The following PDE1C variants were observed in gnomAD, a reference collection of about 807,000 sequenced individuals.
The protein encoded by PDE1C is phosphodiesterase 1C, also known as dual specificity calcium/calmodulin-dependent 3',5'-cyclic nucleotide phosphodiesterase 1C.
A neutral mutation model predicts 93.1 loss-of-function variants in PDE1C; 62 were observed. The observed-to-expected ratio is 0.67, with a 90% CI of 0.54 to 0.82. The LOEUF (loss-of-function observed/expected upper bound fraction) is 0.82. Ranked by LOEUF, PDE1C falls within the 40% of genes least tolerant of loss-of-function variation. The probability of loss-of-function intolerance (pLI) is 0.00; values close to 1 mark genes in which losing one functional copy is unlikely to be tolerated. For missense variants in PDE1C, 742 were observed against 884.6 expected (o/e 0.84, Z 2.04); for synonymous variants, 325 against 310.1 (o/e 1.05, Z -0.50).
chr7:32,098,218 A>G (rs1249474293), intron 3 of PDE1C, among the ~76,000 whole-genome samples: 1 of 95,718 alleles, frequency 1.0e-5, no homozygotes, highest in Non-Finnish European at 2.3e-5. Flanking sequence ...CGACAGAGCG[A>G]GACTCCGTCT....
chr7:31,705,780 C>A, the PDE1C span, among the ~76,000 whole-genome samples: 1 of 151,864 alleles, frequency 6.6e-6, no homozygotes, highest in African/African-American at 2.4e-5. Context: ...CAGTGCGAGG[C>A]AGTGGTGGGG....
At chr7:32,347,770 C>A (rs908923002) in intron 1 of PDE1C, among the ~76,000 whole-genome samples, 17 of 152,172 alleles carry the variant, frequency 1.1e-4, no homozygotes, top group Non-Finnish European at 2.2e-4. Flanking sequence ...TTCAAGGAAA[C>A]AAAATCTGCC....
At chr7:31,833,806 C>T (rs1374582317) in intron 11 of PDE1C, among the ~76,000 whole-genome samples, 3 of 152,184 alleles carry the variant, frequency 2.0e-5, no homozygotes, top group Non-Finnish European at 4.4e-5. Flanking sequence ...AATTTGCAGC[C>T]TGATGATGCA....
At chr7:31,624,965 C>G in the PDE1C span, among the ~76,000 whole-genome samples, 1 of 152,114 alleles carries the variant, frequency 6.6e-6, no homozygotes, top group Non-Finnish European at 1.5e-5. Flanking sequence ...GGGCAAAGGA[C>G]ATGAATAGAC....
chr7:32,347,648 G>A (rs866402621), intron 1 of PDE1C, among the ~76,000 whole-genome samples: 3 of 152,120 alleles, frequency 2.0e-5, no homozygotes, highest in Non-Finnish European at 2.9e-5. Flanking sequence ...TGAAGAAGTC[G>A]GCTGCTATGT....
At chr7:32,239,270 C>T (rs1808370967) in intron 1 of PDE1C, among the ~76,000 whole-genome samples, 1 of 152,010 alleles carries the variant, frequency 6.6e-6, no homozygotes, top group African/African-American at 2.4e-5. Context: ...ATGGTGTGTG[C>T]TCATACTAGC....
intron 1 of PDE1C, among the ~76,000 whole-genome samples, chr7:32,248,836 G>A (rs1809153171): frequency 6.6e-6 from 1 of 152,198 alleles, no homozygotes; most frequent in South Asian, 2.1e-4. Flanking sequence ...TTTGTGAAGA[G>A]CTTCCTTTTG....
rs574434193 is a variant in PDE1C at position 32,056,068 on chromosome 7, G to A, written c.102-4488C>T. On this transcript the variant is annotated intron_variant, in intron 1 of 17. Transcript: ENST00000396191. ...ACTTAATTTAAATTTGTAATATTTT[G>A]AAACTTGAAACAACACACTACAAAT... Among the ~76,000 whole-genome samples the A allele has an allele frequency of 2.0e-5, 3 of 152,118 alleles. No individual in the cohort carries two copies. In the South Asian group the frequency reaches 6.2e-4, roughly 32 times the overall value.
chr7:31,943,096 TA>T (rs889590646), intron 2 of PDE1C, among the ~76,000 whole-genome samples: 2 of 152,156 alleles, frequency 1.3e-5, no homozygotes, highest in African/African-American at 4.8e-5. Context: ...TTCCCCATAC[TA>T]GGGGTACCTC....
intron 3 of PDE1C, among the ~76,000 whole-genome samples, chr7:32,165,734 G>T (rs1218474290): frequency 2.0e-5 from 3 of 152,146 alleles, no homozygotes; most frequent in African/African-American, 7.2e-5. Flanking sequence ...TTTGGGTGGG[G>T]ACACAGACCC....
intron 1 of PDE1C, among the ~76,000 whole-genome samples, chr7:32,277,232 G>A (rs1175302967): frequency 6.6e-6 from 1 of 152,150 alleles, no homozygotes; most frequent in African/African-American, 2.4e-5. Context: ...CTGGGTGATG[G>A]AGCAAGACCC....
intron 2 of PDE1C, among the ~76,000 whole-genome samples, chr7:32,050,455 G>A (rs1793192404): frequency 6.6e-6 from 1 of 152,104 alleles, no homozygotes. Flanking sequence ...AATGAAATTT[G>A]TGAAAACAAA....
the PDE1C span, among the ~76,000 whole-genome samples, chr7:31,627,848 T>C: frequency 2.6e-5 from 4 of 152,132 alleles, no homozygotes; most frequent in South Asian, 2.1e-4. Context: ...AATGAAAAGA[T>C]ACAATTTTAA....
chr7:31,789,970 T>C, intron 16 of PDE1C: 1 of 1,238,212 alleles, frequency 8.1e-7, no homozygotes. Context: ...TCATGTTTTG[T>C]TTCTGTTTGA....
At chr7:32,305,128 G>A (rs184324705) in intron 1 of PDE1C, among the ~76,000 whole-genome samples, 17 of 152,256 alleles carry the variant, frequency 1.1e-4, no homozygotes, top group South Asian at 1.0e-3. Context: ...CTTGCACAGC[G>A]CCTGCTCAAT....
chr7:31,865,206 C>G, intron 6 of PDE1C, 124 bp from the exon 7 acceptor site: 2 of 823,428 alleles, frequency 2.4e-6, no homozygotes, highest in Admixed American at 2.6e-5. Context: ...TTGGAACTTA[C>G]ACAGTTAATA....
intron 3 of PDE1C, among the ~76,000 whole-genome samples, chr7:32,113,967 A>T (rs537799928): frequency 6.6e-6 from 1 of 152,314 alleles, no homozygotes; most frequent in South Asian, 2.1e-4. Context: ...ACCACTGCTC[A>T]ACAAATAAGA....
intron 1 of PDE1C, among the ~76,000 whole-genome samples, chr7:32,416,173 G>A (rs2128098767): frequency 6.6e-6 from 1 of 152,356 alleles, no homozygotes; most frequent in African/African-American, 2.4e-5. Flanking sequence ...GTAAGGGCCT[G>A]GGCCACGCCA....
chr7:32,051,444 G>T, intron 2 of PDE1C, 110 bp downstream of exon 2: 1 of 1,048,282 alleles, frequency 9.5e-7, no homozygotes, highest in Non-Finnish European at 1.5e-6. Flanking sequence ...AACATGCTGA[G>T]AAAGAACCAA....
Sources: allele counts gnomAD v4.1 joint callset (sites outside exome capture counted in the v4.1 genomes callset), GRCh38; gene constraint gnomAD v4.1.1; transcripts MANE v1.5; gene names NCBI Gene and HGNC (gene_info 2026-07-23, HGNC 2026-07-21).